LRP1B: variants seen among roughly 807,000 people sequenced by gnomAD.
LRP1B encodes the protein LDL receptor related protein 1B.
Under a neutral mutation model 556.6 loss-of-function variants are expected in LRP1B, and 217 were observed. That is an observed-to-expected ratio of 0.39 (90% CI 0.35 to 0.44). The LOEUF is 0.44. LRP1B is among the 20% of genes least tolerant of loss of function. The pLI is 1.00. For synonymous variants in LRP1B, 2,047 were observed against 1,865.8 expected (o/e 1.10, Z -2.50); for missense variants, 5,053 against 5,620.8 (o/e 0.90, Z 3.23).
intron 2 of LRP1B, among the ~76,000 whole-genome samples, chr2:141,745,163 C>T (rs1210517176): frequency 1.3e-5 from 2 of 152,118 alleles, no homozygotes; most frequent in Non-Finnish European, 2.9e-5. Context: ...CACTGGGTCT[C>T]ACCCAAGGCC....
intron 6 of LRP1B, among the ~76,000 whole-genome samples, chr2:141,198,301 T>C (rs1432378827): frequency 1.3e-5 from 2 of 152,140 alleles, no homozygotes; most frequent in African/African-American, 4.8e-5. Flanking sequence ...AATGGTATTA[T>C]GGAAGTTCAA....
intron 1 of LRP1B, among the ~76,000 whole-genome samples, chr2:141,836,205 T>C (rs1249431324): frequency 6.6e-6 from 1 of 152,010 alleles, no homozygotes; most frequent in Non-Finnish European, 1.5e-5. Context: ...TTGTGAGGAT[T>C]AGTCAAAATA....
At chr2:140,259,479 T>C (rs1681837027) in intron 86 of LRP1B, among the ~76,000 whole-genome samples, 1 of 152,016 alleles carries the variant, frequency 6.6e-6, no homozygotes, top group Admixed American at 6.6e-5. Flanking sequence ...AGAATCATAG[T>C]AAAATAAATC....
chr2:141,630,288 G>C (rs1253881162), intron 2 of LRP1B, among the ~76,000 whole-genome samples: 1 of 152,112 alleles, frequency 6.6e-6, no homozygotes, highest in Non-Finnish European at 1.5e-5. Flanking sequence ...GAATGAAACA[G>C]CTGGAAAAAA....
Position 142,099,762 on chromosome 2 carries a change from C to T in LRP1B, c.82+30886G>A, listed in dbSNP as rs191200463. 2.4e-3 allele frequency among the ~76,000 whole-genome samples: 370 copies of T among 151,854 alleles called. 1 individual carries two copies. The highest frequency in any genetic ancestry group is 8.4e-3 in the African/African-American group (348 of 41,468). On this transcript the variant is annotated intron_variant, in intron 1 of 90. Transcript: ENST00000389484. ...TCAAAATAATTAGTTTGCTCAAGTG[C>T]CTTATTTTAGATAAAAGAATAATAT...
At chr2:140,401,633 T>G (rs1372044185) in intron 66 of LRP1B, among the ~76,000 whole-genome samples, 1 of 152,190 alleles carries the variant, frequency 6.6e-6, no homozygotes, top group African/African-American at 2.4e-5. Flanking sequence ...TCTATGGTCC[T>G]GCCTATCACC....
At chr2:142,130,514 A>G in intron 1 of LRP1B, 134 bp downstream of exon 1, 1 of 709,216 alleles carries the variant, frequency 1.4e-6, no homozygotes, top group South Asian at 1.9e-5. Flanking sequence ...GCACAGGGCC[A>G]GCGCACGGTG....
At chr2:140,641,026 G>A (rs972553058) in intron 41 of LRP1B, among the ~76,000 whole-genome samples, 1 of 152,060 alleles carries the variant, frequency 6.6e-6, no homozygotes, top group East Asian at 1.9e-4. Context: ...ATTCACCAAG[G>A]CTGTTTTAAT....
At chr2:141,329,655 A>AAAAAACAAAAAAAAAC (rs1553497028) in intron 3 of LRP1B, among the ~76,000 whole-genome samples, 1 of 138,076 alleles carries the variant, frequency 7.2e-6, no homozygotes, top group Admixed American at 7.2e-5. Context: ...AAAAAAAAAA[A>AAAAAACAAAAAAAAAC]AAAAAAAAAA....
At chr2:141,059,168 G>A (rs758688103) in intron 8 of LRP1B, 114 bp from the exon 9 acceptor site, 176 of 631,902 alleles carry the variant, frequency 2.8e-4, no homozygotes, top group Non-Finnish European at 4.0e-4. Flanking sequence ...AGAACCGCAA[G>A]GATGTTATTT....
At chr2:141,914,906 C>T (rs1699991545) in intron 1 of LRP1B, among the ~76,000 whole-genome samples, 1 of 152,068 alleles carries the variant, frequency 6.6e-6, no homozygotes. Flanking sequence ...GAATCAATAT[C>T]ATAAAAATGG....
intron 7 of LRP1B, among the ~76,000 whole-genome samples, chr2:141,102,498 G>C (rs889752434): frequency 3.3e-5 from 5 of 151,956 alleles, no homozygotes; most frequent in Non-Finnish European, 5.9e-5. Flanking sequence ...CGGGTTTCTT[G>C]CCACCATAAC....
In LRP1B at chr2:141,043,328, T is replaced by C. The variant is rs543669655; in HGVS notation, c.1789+5658A>G. On this transcript the variant is annotated intron_variant, in intron 11 of 90. Transcript: ENST00000389484. ...GTACATATAAATCTTATGTTTGCAT[T>C]GTTTTACTTGCAGTATGACTTACGA... Among the ~76,000 whole-genome samples, 18 of 152,036 alleles carry C rather than the reference T, an allele frequency of 1.2e-4. No homozygotes were observed. In the South Asian group the frequency reaches 3.7e-3, roughly 32 times the overall value.
At chr2:140,420,538 A>G (rs1196013274) in intron 66 of LRP1B, among the ~76,000 whole-genome samples, 2 of 152,234 alleles carry the variant, frequency 1.3e-5, no homozygotes, top group Non-Finnish European at 2.9e-5. Context: ...TTATATGTCC[A>G]TACAAGGACT....
chr2:141,585,766 A>C (rs1426837821), intron 2 of LRP1B, among the ~76,000 whole-genome samples: 1 of 152,178 alleles, frequency 6.6e-6, no homozygotes, highest in Non-Finnish European at 1.5e-5. Context: ...AATATTTAGA[A>C]CAAATAACTT....
At chr2:141,125,844 C>CA (rs386391362) in intron 7 of LRP1B, among the ~76,000 whole-genome samples, 5,758 of 102,052 alleles carry the variant, frequency 0.056, 281 homozygotes, top group Middle Eastern at 0.11. Flanking sequence ...CTTTCAAATG[C>CA]AAAAAAAAAA....
chr2:140,821,794 TGAGGCTGAGGCGGGTAGATCAC>T (rs1281395839), intron 31 of LRP1B, among the ~76,000 whole-genome samples: 1 of 152,080 alleles, frequency 6.6e-6, no homozygotes, highest in Non-Finnish European at 1.5e-5. Flanking sequence ...CAGCACTTTG[TGAGGCTGAGGCGGGTAGATCAC>T]GAGGTCAGGA....
chr2:141,066,617 G>A (rs1439362181), intron 7 of LRP1B, among the ~76,000 whole-genome samples: 1 of 151,770 alleles, frequency 6.6e-6, no homozygotes, highest in Non-Finnish European at 1.5e-5. Context: ...AAACATAAGG[G>A]AATTTAAATA....
chr2:140,454,300 C>T (rs1687003446), intron 62 of LRP1B, among the ~76,000 whole-genome samples: 1 of 152,014 alleles, frequency 6.6e-6, no homozygotes, highest in South Asian at 2.1e-4. Flanking sequence ...AGGTCCTTGC[C>T]ACCATGCCCA....
Sources: allele counts gnomAD v4.1 joint callset (sites outside exome capture counted in the v4.1 genomes callset), GRCh38; gene constraint gnomAD v4.1.1; transcripts MANE v1.5; gene names NCBI Gene and HGNC (gene_info 2026-07-23, HGNC 2026-07-21).